Variants in ARHGAP9 observed in about 807,000 individuals in gnomAD.
The protein encoded by ARHGAP9 is rho GTPase-activating protein 9.
A neutral mutation model predicts 87.3 loss-of-function variants in ARHGAP9; 76 were observed. That is an observed-to-expected ratio of 0.87 (90% CI 0.72 to 1.05). The LOEUF (loss-of-function observed/expected upper bound fraction) is 1.05. ARHGAP9 is among the 50% of genes least tolerant of loss of function. The probability of loss-of-function intolerance (pLI) is 0.00; values close to 1 mark genes in which losing one functional copy is unlikely to be tolerated. For synonymous variants in ARHGAP9, 382 were observed against 394.9 expected, an observed-to-expected ratio of 0.97 and a Z score of 0.39; for missense variants, 941 against 960.5, an observed-to-expected ratio of 0.98 and a Z score of 0.27.
upstream of ARHGAP9, chr12:57,480,130 C>T (rs984194185): frequency 1.0e-6 from 1 of 984,974 alleles, no homozygotes; most frequent in Admixed American, 6.2e-5. Flanking sequence ...TGATACTGTC[C>T]TGTACACACA....
rs559394389 is a variant in ARHGAP9 at position 57,479,797 on chromosome 12, G to A, written c.-86C>T. The A allele has an allele frequency of 7.1e-6, 11 of 1,544,734 alleles. No homozygotes were observed. Among genetic ancestry groups the A allele is most frequent in the Non-Finnish European group, 9.6e-6 (11 of 1,144,100 alleles). On this transcript the variant is annotated 5_prime_UTR_variant, in exon 1 of 18. Transcript: ENST00000393791. ...TGGGTAGTGGTGGGAGTCTTGAGGT[G>A]GACACAGGAAGGAGATAAGAAGAAA...
At chr12:57,484,081 G>C (rs1268684275), upstream of ARHGAP9, 3 of 263,528 alleles carry the variant, frequency 1.1e-5, no homozygotes, top group Non-Finnish European at 2.3e-5. Flanking sequence ...GGCCGGGTGC[G>C]GTGGCTCACA....
chr12:57,472,410 T>C lies in ARHGAP9; in HGVS notation c.*107A>G, dbSNP rs1872128194. The C allele has an allele frequency of 1.5e-6, 2 of 1,361,176 alleles. No individual in the cohort carries two copies. Among genetic ancestry groups the C allele is most frequent in the Non-Finnish European group, 2.0e-6 (2 of 1,018,416 alleles). The allele number at this position is 1,361,176 out of a possible 1,614,324, so 84.3% of individuals were successfully genotyped here. ...ACACCTCAAGTCACACTCATGAAGA[T>C]AGAGACAGTCATTTGGGAGATTTAA... On this transcript the variant is annotated 3_prime_UTR_variant, in exon 18 of 18. Coordinates refer to ENST00000393791, the MANE Select transcript of ARHGAP9 (RefSeq NM_032496.4).
At chr12:57,488,335 C>A in intron 1 of ARHGAP9, 1 of 804,262 alleles carries the variant, frequency 1.2e-6, no homozygotes, top group Non-Finnish European at 2.0e-6. Context: ...TATCCTTGAT[C>A]ACTCCACGCC....
intron 11 of ARHGAP9, 35 bp from the exon 12 acceptor site, chr12:57,475,433 C>A: frequency 6.3e-7 from 1 of 1,576,552 alleles, no homozygotes; most frequent in Non-Finnish European, 8.6e-7. Flanking sequence ...CGTGAGCGCC[C>A]GGGAGCCTCG....
At chr12:57,480,796 C>T, upstream of ARHGAP9, 1 of 1,550,522 alleles carries the variant, frequency 6.4e-7, no homozygotes, top group Non-Finnish European at 8.7e-7. Flanking sequence ...TCCTCTTTTC[C>T]TCTTCTCTCA....
At chr12:57,486,718 T>C (rs1352916838) in intron 1 of ARHGAP9, among the ~76,000 whole-genome samples, 2 of 149,292 alleles carry the variant, frequency 1.3e-5, no homozygotes, top group Admixed American at 6.6e-5. Context: ...ACCCCGTCTC[T>C]ACTAAAAATA....
At chr12:57,482,757 T>C (rs192559985), upstream of ARHGAP9, among the ~76,000 whole-genome samples, 20 of 152,162 alleles carry the variant, frequency 1.3e-4, no homozygotes, top group East Asian at 3.7e-3. Context: ...TTTACTACCA[T>C]ATATGCCGGG....
chr12:57,483,905 TG>T (rs1327442165), upstream of ARHGAP9: 1 of 454,026 alleles, frequency 2.2e-6, no homozygotes, highest in East Asian at 7.0e-5. Flanking sequence ...CTGGGTGTGC[TG>T]GCCCAGCTAC....
rs768239598 is a variant in ARHGAP9, at chr12:57,474,934, C to T, written c.1592G>A (p.Arg531Gln). ...AAAGCTGGGCACCGTGTCTCCTTCC[C>T]GCTGGCAGAGTGATTCCAACTGGCA... is the stretch of plus-strand genomic sequence containing the variant. ...FGCQLESLCQ[R>Q]EGDTVPSFLR... is the part of the protein sequence containing the mutation. Residue 531 changes from arginine to glutamine, a missense_variant, in exon 13 of 18, where the codon CGG becomes CAG. Arg to Gln is a conservative substitution (Grantham distance 43). Coordinates refer to ENST00000393791, the MANE Select transcript of ARHGAP9 (RefSeq NM_032496.4). 1 of 1,614,136 alleles carries T rather than the reference C, an allele frequency of 6.2e-7. No homozygotes were observed. Among genetic ancestry groups the T allele is most frequent in the Non-Finnish European group, 8.5e-7 (1 of 1,180,034 alleles).
rs759872934 is a variant in ARHGAP9, at chr12:57,476,950, A to G, written c.884T>C (p.Leu295Pro). ...EPLDPQGSLS[L>P]SQRTSQLDPP... ...GTCAAGCTGCGAGGTGCGTTGGCTG[A>G]GGCTGAGTGAACCCTAGGGGAGAGG... Residue 295 changes from leucine (L) to proline (P), a missense_variant, in exon 6 of 18, where the codon CTC (leucine) becomes CCC (proline). Coordinates refer to ENST00000393791, the MANE Select transcript of ARHGAP9 (RefSeq NM_032496.4). The G allele has an allele frequency of 3.1e-6, 5 of 1,591,014 alleles. No individual in the cohort carries two copies. The African/African-American group carries it at 5.5e-5, about 18-fold the overall frequency.
Position 57,476,064 on chromosome 12 carries a change from C to T in ARHGAP9, c.1212+7G>A, listed in dbSNP as rs1247081828. The stretch of plus-strand genomic sequence containing the variant: ...GGGGCCTTGGGGACGCGCGGGAGGG[C>T]GCTCACGTGCAGGACGTTGCGGCGG... On this transcript the variant is annotated splice_region_variant and intron_variant, in intron 9 of 17. Transcript: ENST00000393791. The T allele has an allele frequency of 1.3e-6, 2 of 1,522,022 alleles. No individual in the cohort carries two copies. Among genetic ancestry groups the T allele is most frequent in the Non-Finnish European group, 8.8e-7 (1 of 1,135,214 alleles). The allele number at this position is 1,522,022 out of a possible 1,614,324, so 94.3% of individuals were successfully genotyped here.
intron 1 of ARHGAP9, among the ~76,000 whole-genome samples, chr12:57,486,930 G>A (rs1057146729): frequency 6.6e-6 from 1 of 150,636 alleles, no homozygotes; most frequent in Non-Finnish European, 1.5e-5. Flanking sequence ...CCTTTGATGA[G>A]ACGTCGAGCT....
At chr12:57,478,465 G>A (rs1874526928) in intron 3 of ARHGAP9, 75 bp downstream of exon 3, 1 of 1,425,586 alleles carries the variant, frequency 7.0e-7, no homozygotes, top group Non-Finnish European at 9.8e-7. Context: ...CATCCCCAGG[G>A]GAGTCCCCTG....
upstream of ARHGAP9, among the ~76,000 whole-genome samples, chr12:57,482,965 G>T (rs931287165): frequency 1.3e-4 from 19 of 151,194 alleles, 1 homozygote; most frequent in African/African-American, 4.7e-4. Context: ...TGGGCATGGC[G>T]GCAGGTGTCT....
At chr12:57,481,630 G>T (rs75975041), upstream of ARHGAP9, among the ~76,000 whole-genome samples, 584 of 151,964 alleles carry the variant, frequency 3.8e-3, 2 homozygotes, top group Middle Eastern at 0.027. Flanking sequence ...CCCTCACTCC[G>T]CCACCTTTTC....
At chr12:57,486,614 G>C (rs2139987430) in intron 1 of ARHGAP9, among the ~76,000 whole-genome samples, 1 of 10,398 alleles carries the variant, frequency 9.6e-5, no homozygotes, top group Admixed American at 1.2e-3. Context: ...TTGGCCGGGC[G>C]CGGCTGCACG....
intron 1 of ARHGAP9, among the ~76,000 whole-genome samples, chr12:57,486,463 T>TG (rs1875406026): frequency 6.6e-6 from 1 of 151,492 alleles, no homozygotes; most frequent in Non-Finnish European, 1.5e-5. Context: ...AAAGAAGGGG[T>TG]TTCACCACGT....
Position 57,475,833 on chromosome 12 carries a change from C to T in ARHGAP9, c.1311G>A (p.Leu437=). 2 of 1,613,780 alleles carry T rather than the reference C, an allele frequency of 1.2e-6. No homozygotes were observed. The highest frequency in any genetic ancestry group is 1.7e-6 in the Non-Finnish European group (2 of 1,179,850). The change falls in exon 10 of 18, where the codon CTG becomes CTA. Residue 437 remains leucine (L), a splice_region_variant and synonymous_variant. Transcript: ENST00000393791. ...CCCTCCGGGCCTCCACCCATCTAAC[C>T]AGCCGCTCGATGACAGTCCGCAGCG... The part of the protein sequence containing the change: ...HRALRTVIER[L]DRENPLELRL...
Sources: allele counts gnomAD v4.1 joint callset (sites outside exome capture counted in the v4.1 genomes callset), GRCh38; gene constraint gnomAD v4.1.1; transcripts MANE v1.5; gene names NCBI Gene and HGNC (gene_info 2026-07-23, HGNC 2026-07-21).